Variants in LINGO2 observed in about 807,000 individuals in gnomAD.
LINGO2 encodes leucine rich repeat and Ig domain containing 2.
In LINGO2, 14 loss-of-function variants were observed where a neutral mutation model predicts 30.6. The observed-to-expected ratio is 0.46, with a 90% CI of 0.30 to 0.72. LINGO2 has a LOEUF of 0.72. LINGO2 is among the 30% of genes least tolerant of loss of function. LINGO2 has a pLI of 0.07. For synonymous variants in LINGO2, 317 were observed against 288.5 expected, an observed-to-expected ratio of 1.10 and a Z score of -1.00; for missense variants, 729 against 751.7, an observed-to-expected ratio of 0.97 and a Z score of 0.35.
intron 4 of LINGO2, among the ~76,000 whole-genome samples, chr9:28,022,292 C>T (rs1402405645): frequency 6.6e-6 from 1 of 152,058 alleles, no homozygotes; most frequent in African/African-American, 2.4e-5. Flanking sequence ...TTTCACTCGT[C>T]CTATCTTCTA....
chr9:29,123,117 C>T, the LINGO2 span, among the ~76,000 whole-genome samples: 5 of 152,036 alleles, frequency 3.3e-5, no homozygotes, highest in Admixed American at 1.3e-4. Flanking sequence ...CAGGACAGAA[C>T]AGAACAGTTA....
intron 3 of LINGO2, among the ~76,000 whole-genome samples, chr9:28,309,245 C>T (rs534370646): frequency 3.9e-4 from 59 of 152,068 alleles, no homozygotes; most frequent in South Asian, 2.5e-3. Context: ...TGGAATACTA[C>T]GCAGCCATAA....
chr9:28,729,731 C>T, the LINGO2 span, among the ~76,000 whole-genome samples: 1 of 151,838 alleles, frequency 6.6e-6, no homozygotes, highest in Non-Finnish European at 1.5e-5. Flanking sequence ...ATCCTACTCT[C>T]CATTATACTC....
At chr9:28,804,317 CA>C in the LINGO2 span, among the ~76,000 whole-genome samples, 6 of 152,066 alleles carry the variant, frequency 3.9e-5, no homozygotes, top group African/African-American at 1.4e-4. Context: ...TCGAAAGGAA[CA>C]TTTGCAAGAC....
chr9:28,226,093 C>T (rs1821133950), intron 4 of LINGO2, among the ~76,000 whole-genome samples: 1 of 152,154 alleles, frequency 6.6e-6, no homozygotes, highest in Admixed American at 6.5e-5. Context: ...TCTCACAATC[C>T]AGCCAAGGCC....
At chr9:28,263,167 C>A (rs947601927) in intron 4 of LINGO2, among the ~76,000 whole-genome samples, 11 of 151,980 alleles carry the variant, frequency 7.2e-5, no homozygotes, top group African/African-American at 2.7e-4. Flanking sequence ...ATGGCCCTCT[C>A]CACACCATGG....
At chr9:27,974,448 A>G (rs1204580678) in intron 5 of LINGO2, among the ~76,000 whole-genome samples, 1 of 152,146 alleles carries the variant, frequency 6.6e-6, no homozygotes, top group Non-Finnish European at 1.5e-5. Flanking sequence ...TCTGAAAAAC[A>G]CAGCGCAGAG....
intron 1 of LINGO2, among the ~76,000 whole-genome samples, chr9:28,642,266 C>T (rs1299923775): frequency 6.6e-6 from 1 of 151,832 alleles, no homozygotes; most frequent in Non-Finnish European, 1.5e-5. Flanking sequence ...TTTCAGTAAA[C>T]ATATTCTGCT....
At chr9:28,418,759 A>T (rs1823071425) in intron 2 of LINGO2, among the ~76,000 whole-genome samples, 1 of 151,978 alleles carries the variant, frequency 6.6e-6, no homozygotes, top group African/African-American at 2.4e-5. Flanking sequence ...TTATAAGGGA[A>T]CTTTCTTGAT....
chr9:29,054,126 TA>T, the LINGO2 span, among the ~76,000 whole-genome samples: 35 of 152,270 alleles, frequency 2.3e-4, no homozygotes, highest in South Asian at 6.0e-3. Context: ...TTTAATGAGC[TA>T]AAAATTTGTT....
At chr9:28,713,502 T>G in the LINGO2 span, among the ~76,000 whole-genome samples, 14 of 152,138 alleles carry the variant, frequency 9.2e-5, no homozygotes, top group Non-Finnish European at 1.6e-4. Context: ...TCTTGAAAAC[T>G]TGGATCATAA....
chr9:28,205,785 C>A (rs1215865194), intron 4 of LINGO2, among the ~76,000 whole-genome samples: 2 of 152,086 alleles, frequency 1.3e-5, no homozygotes, highest in African/African-American at 2.4e-5. Context: ...TGAAACAAAT[C>A]TTATCTCCAT....
chr9:28,288,377 T>A (rs1823595995), intron 4 of LINGO2, among the ~76,000 whole-genome samples: 1 of 152,144 alleles, frequency 6.6e-6, no homozygotes, highest in South Asian at 2.1e-4. Flanking sequence ...TCCATTTGAT[T>A]GAAGTGCAGC....
chr9:28,674,459 T>A (rs1829143697), upstream of LINGO2, among the ~76,000 whole-genome samples: 1 of 152,154 alleles, frequency 6.6e-6, no homozygotes, highest in Non-Finnish European at 1.5e-5. Flanking sequence ...GTAGAAATAG[T>A]CTGTTGTTAT....
intron 4 of LINGO2, among the ~76,000 whole-genome samples, chr9:28,111,234 C>A (rs950192831): frequency 6.6e-6 from 1 of 151,746 alleles, no homozygotes; most frequent in Non-Finnish European, 1.5e-5. Flanking sequence ...CCGGGCCTAT[C>A]GGGGGCTTGG....
chr9:29,176,163 G>C, the LINGO2 span, among the ~76,000 whole-genome samples: 1 of 152,144 alleles, frequency 6.6e-6, no homozygotes, highest in Non-Finnish European at 1.5e-5. Flanking sequence ...GGGTAATTAT[G>C]ATTACTCCCA....
the LINGO2 span, among the ~76,000 whole-genome samples, chr9:28,675,924 T>TATATATATATATAC: frequency 1.3e-4 from 18 of 137,736 alleles, no homozygotes; most frequent in East Asian, 7.0e-4. Context: ...TATATATATA[T>TATATATATATATAC]ACATACACAC....
intron 3 of LINGO2, among the ~76,000 whole-genome samples, chr9:28,301,606 A>AT (rs563784960): frequency 6.6e-6 from 1 of 151,798 alleles, no homozygotes; most frequent in Non-Finnish European, 1.5e-5. Context: ...GAACAAAGCC[A>AT]TTTTTTAATT....
chr9:28,011,153 A>C (rs544406114), intron 5 of LINGO2, among the ~76,000 whole-genome samples: 1 of 152,202 alleles, frequency 6.6e-6, no homozygotes, highest in Non-Finnish European at 1.5e-5. Context: ...AGAGAATGAG[A>C]AAGTCAAATG....
Sources: allele counts gnomAD v4.1 joint callset (sites outside exome capture counted in the v4.1 genomes callset), GRCh38; gene constraint gnomAD v4.1.1; transcripts MANE v1.5; gene names NCBI Gene and HGNC (gene_info 2026-07-23, HGNC 2026-07-21).